Variants in CASP10 observed in about 807,000 individuals in gnomAD.
CASP10 encodes caspase-10.
CASP10 carries 41 observed loss-of-function variants against 48.5 expected under a neutral mutation model. The observed-to-expected ratio is 0.85, with a 90% CI of 0.66 to 1.10. CASP10 has a LOEUF of 1.10. Ranked by LOEUF, CASP10 falls within the 50% of genes least tolerant of loss-of-function variation. CASP10 has a pLI of 0.00. For missense variants in CASP10, 614 were observed against 614.5 expected (o/e 1.00, Z 0.01); for synonymous variants, 232 against 238.4 (o/e 0.97, Z 0.25).
In CASP10 at chr2:201,217,940, G is replaced by A. The variant is rs1945626110; in HGVS notation, c.*199G>A. ...GAAAACTTTCTTTTTTTTGGAGATA[G>A]TCTCATTCTGTCACCCAGACTGGAG... On this transcript the variant is annotated 3_prime_UTR_variant, in exon 10 of 10. Transcript: ENST00000286186. 3 of 1,344,432 alleles carry A rather than the reference G, an allele frequency of 2.2e-6. No individual in the cohort carries two copies. Among genetic ancestry groups the A allele is most frequent in the Admixed American group, 2.8e-5 (1 of 36,076 alleles). 83.3% of individuals were successfully genotyped at this position (1,344,432 alleles called of 1,614,324 possible).
intron 5 of CASP10, among the ~76,000 whole-genome samples, chr2:201,199,567 A>ATCTT (rs1364348589): frequency 6.8e-6 from 1 of 146,554 alleles, no homozygotes; most frequent in African/African-American, 2.5e-5. Flanking sequence ...GTCTCCTTTA[A>ATCTT]TCTTTTTTTT....
intron 1 of CASP10, among the ~76,000 whole-genome samples, chr2:201,185,063 C>G (rs904813036): frequency 6.6e-6 from 1 of 152,148 alleles, no homozygotes; most frequent in Non-Finnish European, 1.5e-5. Flanking sequence ...ATGATCATGG[C>G]TCACTGCAAC....
At chr2:201,221,969 C>T (rs899267492), downstream of CASP10, among the ~76,000 whole-genome samples, 10 of 152,056 alleles carry the variant, frequency 6.6e-5, no homozygotes, top group Admixed American at 4.6e-4. Context: ...TAGAGTGTGC[C>T]CTCCAAGATT....
intron 9 of CASP10, among the ~76,000 whole-genome samples, chr2:201,211,849 G>C (rs932850801): frequency 1.3e-5 from 2 of 152,140 alleles, no homozygotes; most frequent in Non-Finnish European, 2.9e-5. Flanking sequence ...GTGTGTAAGT[G>C]TTCCCTTTTC....
At chr2:201,193,265 T>C in intron 4 of CASP10, 146 bp downstream of exon 4, 1 of 774,008 alleles carries the variant, frequency 1.3e-6, no homozygotes, top group South Asian at 1.5e-5. Context: ...TGGAGTGCAG[T>C]GGTGTGATCT....
chr2:201,224,743 G>A (rs543482167), downstream of CASP10, among the ~76,000 whole-genome samples: 1 of 152,276 alleles, frequency 6.6e-6, no homozygotes, highest in Non-Finnish European at 1.5e-5. Flanking sequence ...AACTTTGTGA[G>A]ATTTTGAGCT....
intron 5 of CASP10, among the ~76,000 whole-genome samples, chr2:201,202,279 GA>G (rs1242226238): frequency 6.6e-6 from 1 of 152,164 alleles, no homozygotes; most frequent in African/African-American, 2.4e-5. Context: ...AAAAGAAGTT[GA>G]AAGATGATTC....
intron 9 of CASP10, among the ~76,000 whole-genome samples, chr2:201,215,470 A>G (rs997354428): frequency 1.3e-5 from 2 of 151,946 alleles, no homozygotes; most frequent in Non-Finnish European, 1.5e-5. Flanking sequence ...TTTTCTGTGT[A>G]TGGATATTCA....
At chr2:201,223,116 A>G (rs558630243), downstream of CASP10, among the ~76,000 whole-genome samples, 1 of 152,332 alleles carries the variant, frequency 6.6e-6, no homozygotes, top group East Asian at 1.9e-4. Flanking sequence ...ACTGCTTCAT[A>G]TTTGAGTACT....
rs1440927698 is a variant in CASP10, at chr2:201,186,127, G to A, written c.347+3G>A. 6.2e-7 allele frequency: 1 copy of A among 1,608,322 alleles called. No homozygotes were observed. Among genetic ancestry groups the A allele is most frequent in the East Asian group, 2.2e-5 (1 of 44,872 alleles). On this transcript the variant is annotated splice_donor_region_variant and intron_variant, in intron 2 of 9. Coordinates refer to ENST00000286186, the MANE Select transcript of CASP10 (RefSeq NM_032977.4). ...CGACAAAGGGTTTCTCTGTTTAGGT[G>A]AGGACGGGTCTGTGGTGGAGATGGG...
intron 5 of CASP10, among the ~76,000 whole-genome samples, chr2:201,201,310 A>T (rs758230948): frequency 1.3e-5 from 2 of 152,004 alleles, no homozygotes; most frequent in Non-Finnish European, 2.9e-5. Context: ...GATTACAGGC[A>T]TGAGCTATTG....
At position 201,220,782 on chromosome 2, in the gene CASP10, C is replaced by T; in HGVS notation, c.*3041C>T. On this transcript the variant is annotated 3_prime_UTR_variant, in exon 10 of 10. Transcript: ENST00000286186. ...CTCCCAAAACCGTGTTCATAACAGT[C>T]AGGGCCAAAAGCTAGTGGTCACAGT... is the stretch of plus-strand genomic sequence containing the variant. 1 of 985,350 alleles carries T rather than the reference C, an allele frequency of 1.0e-6. No homozygotes were observed. The highest frequency in any genetic ancestry group is 6.1e-5 in the Admixed American group (1 of 16,284). The allele number at this position is 985,350 out of a possible 1,614,324, so 61.0% of individuals were successfully genotyped here.
intron 3 of CASP10, 132 bp from the exon 4 acceptor site, chr2:201,192,852 C>A: frequency 1.1e-6 from 1 of 872,442 alleles, no homozygotes; most frequent in South Asian, 1.4e-5. Context: ...CATTCCTGAG[C>A]AACTTGAGGG....
rs886055411 is a variant in CASP10, at chr2:201,218,646, C to T, written c.*905C>T. ...AAGGTTCCTTGGTGTTCAAAAACCA[C>T]GTTCTTAGCCTAGATTGAGCTTAGA... On this transcript the variant is annotated 3_prime_UTR_variant, in exon 10 of 10. Transcript: ENST00000286186. 6.1e-6 allele frequency: 6 copies of T among 985,430 alleles called. No homozygotes were observed. Among genetic ancestry groups the T allele is most frequent in the Admixed American group, 1.2e-4 (2 of 16,272 alleles). The allele number at this position is 985,430 out of a possible 1,614,324, so 61.0% of individuals were successfully genotyped here.
Position 201,208,065 on chromosome 2 carries a change from A to G in CASP10, c.814-10A>G, listed in dbSNP as rs774579828. On this transcript the variant is annotated splice_polypyrimidine_tract_variant and intron_variant, in intron 7 of 9. Coordinates refer to ENST00000286186, the MANE Select transcript of CASP10 (RefSeq NM_032977.4). ...GGATTCCTACTAAGTGGCTCTATCT[A>G]TTCTTCAAGAGGGCAGCTGTGTACA... The G allele has an allele frequency of 6.9e-6, 11 of 1,603,408 alleles. No individual in the cohort carries two copies. The highest frequency in any genetic ancestry group is 2.2e-5 in the East Asian group (1 of 44,800).
rs973913470 is a variant in CASP10 at position 201,221,134 on chromosome 2, G to T, written c.*3393G>T. 166 of 985,292 alleles carry T rather than the reference G, an allele frequency of 1.7e-4. No individual in the cohort carries two copies. The highest frequency in any genetic ancestry group is 2.0e-4 in the Non-Finnish European group (162 of 829,954). 61.0% of individuals were successfully genotyped at this position (985,292 alleles called of 1,614,324 possible). On this transcript the variant is annotated 3_prime_UTR_variant, in exon 10 of 10. Coordinates refer to ENST00000286186, the MANE Select transcript of CASP10 (RefSeq NM_032977.4). ...GAAATAGCAGGACTTAAGTTCCTTTGTGCGTAATTCCAGCTGACTTTATTA... is the reference window on the plus strand; with the variant it reads ...GAAATAGCAGGACTTAAGTTCCTTTTTGCGTAATTCCAGCTGACTTTATTA...
downstream of CASP10, among the ~76,000 whole-genome samples, chr2:201,222,593 C>T (rs1231256733): frequency 6.6e-6 from 1 of 152,180 alleles, no homozygotes. Flanking sequence ...ACAAATGTGA[C>T]AGTTATTTAA....
intron 6 of CASP10, 74 bp downstream of exon 6, chr2:201,203,840 G>A (rs41322747): frequency 1.7e-6 from 2 of 1,148,762 alleles, no homozygotes; most frequent in African/African-American, 1.5e-5. Context: ...ATATACCAAG[G>A]AATTCAAGGT....
rs751698816 is a variant in CASP10, at chr2:201,205,905, C to T, written c.745C>T (p.Pro249Ser). ...SNGNRATNGA[P>S]SLVSRGMQGA... is the part of the protein sequence containing the mutation. Reference sequence around the variant, plus strand: ...AGGTAACAGAGCCACAAATGGTGCACCAAGCCTGGTCTCCAGGGGGATGCA... The same window carrying T: ...AGGTAACAGAGCCACAAATGGTGCATCAAGCCTGGTCTCCAGGGGGATGCA... The change falls in exon 7 of 10, where the codon CCA (proline) becomes TCA (serine). Residue 249 changes from proline (P) to serine (S), a missense_variant. By Grantham distance (74) the Pro-to-Ser change is moderately conservative. Transcript: ENST00000286186. 3.1e-6 allele frequency: 5 copies of T among 1,612,276 alleles called. No individual in the cohort carries two copies. The highest frequency in any genetic ancestry group is 4.2e-6 in the Non-Finnish European group (5 of 1,178,346).
Sources: allele counts gnomAD v4.1 joint callset (sites outside exome capture counted in the v4.1 genomes callset), GRCh38; gene constraint gnomAD v4.1.1; transcripts MANE v1.5; gene names NCBI Gene and HGNC (gene_info 2026-07-23, HGNC 2026-07-21).